The following KLF17 variants were observed in gnomAD, a reference collection of about 807,000 sequenced individuals.
The protein encoded by KLF17 is KLF transcription factor 17.
Under a neutral mutation model 34.2 loss-of-function variants are expected in KLF17, and 31 were observed. That is an observed-to-expected ratio of 0.91 (90% CI 0.68 to 1.22). KLF17 has a LOEUF of 1.22. Among genes scored for constraint, KLF17 ranks in the 50% most tolerant of loss-of-function variants. KLF17 has a pLI of 0.00. For synonymous variants in KLF17, 179 were observed against 186.7 expected (o/e 0.96, Z 0.34); for missense variants, 478 against 505.2 (o/e 0.95, Z 0.52).
chr1:44,066,104 C>A, the KLF17 span, among the ~76,000 whole-genome samples: 1 of 152,114 alleles, frequency 6.6e-6, no homozygotes, highest in African/African-American at 2.4e-5. Context: ...ATCACTTGAA[C>A]TTAGAAGTTC....
chr1:44,092,960 T>C, the KLF17 span, among the ~76,000 whole-genome samples: 1 of 152,018 alleles, frequency 6.6e-6, no homozygotes, highest in African/African-American at 2.4e-5. Flanking sequence ...AAGGAATAAA[T>C]TAAGAGTTCA....
chr1:44,100,955 G>T, the KLF17 span, among the ~76,000 whole-genome samples: 1 of 152,112 alleles, frequency 6.6e-6, no homozygotes, highest in African/African-American at 2.4e-5. Flanking sequence ...TAGTTGCAAA[G>T]AATATAATTT....
At chr1:44,102,650 A>G in the KLF17 span, among the ~76,000 whole-genome samples, 132,271 of 148,722 alleles carry the variant, frequency 0.89, 59,221 homozygotes, top group Non-Finnish European at 0.93. Flanking sequence ...GAAAGTCATA[A>G]CACGAACACC....
At chr1:44,102,485 G>A in the KLF17 span, among the ~76,000 whole-genome samples, 1 of 150,664 alleles carries the variant, frequency 6.6e-6, no homozygotes, top group Middle Eastern at 3.4e-3. Context: ...CCCAGGAGAT[G>A]GAGGTTGCAG....
At chr1:44,099,825 AG>A in the KLF17 span, among the ~76,000 whole-genome samples, 1 of 115,092 alleles carries the variant, frequency 8.7e-6, no homozygotes, top group Non-Finnish European at 1.8e-5. Context: ...AGAAAGAAAA[AG>A]AAGAAAGAAA....
chr1:44,113,018 C>T, the KLF17 span, among the ~76,000 whole-genome samples: 1 of 152,204 alleles, frequency 6.6e-6, no homozygotes, highest in Non-Finnish European at 1.5e-5. Flanking sequence ...CCAGCCCAGA[C>T]TTTGTTTCCT....
At chr1:44,061,345 G>T in the KLF17 span, 1 of 152,212 alleles carries the variant, frequency 6.6e-6, no homozygotes, top group Non-Finnish European at 1.5e-5. Flanking sequence ...GATTAAAGAG[G>T]AGTATCTAAT....
chr1:44,130,066 C>T lies in KLF17; in HGVS notation c.795C>T (p.Asn265=). ...PGPAPQTVEK[N]SRPQEGTGRR... is the part of the protein sequence containing the mutation. ...CTGCTCCACAGACAGTAGAGAAGAACTCCAGGCCTCAGGAAGGGACTGGTA... is the reference window on the plus strand; with the variant it reads ...CTGCTCCACAGACAGTAGAGAAGAATTCCAGGCCTCAGGAAGGGACTGGTA... Residue 265 remains asparagine (N), a synonymous_variant, in exon 2 of 4, where the codon AAC becomes AAT. Transcript: ENST00000372299. The T allele has an allele frequency of 1.2e-6, 2 of 1,614,236 alleles. No homozygotes were observed. The highest frequency in any genetic ancestry group is 8.5e-7 in the Non-Finnish European group (1 of 1,180,034).
chr1:44,072,886 G>A, the KLF17 span, among the ~76,000 whole-genome samples: 1 of 152,080 alleles, frequency 6.6e-6, no homozygotes, highest in Admixed American at 6.6e-5. Flanking sequence ...GGAAAACGTA[G>A]CATCCCAGAA....
At chr1:44,050,290 G>A in the KLF17 span, among the ~76,000 whole-genome samples, 16,773 of 152,160 alleles carry the variant, frequency 0.11, 1,296 homozygotes, top group African/African-American at 0.21. Flanking sequence ...GGCAGGACTT[G>A]GACTCCGGAC....
At chr1:44,125,754 C>T (rs757060202) in intron 1 of KLF17, among the ~76,000 whole-genome samples, 4 of 152,196 alleles carry the variant, frequency 2.6e-5, no homozygotes, top group Non-Finnish European at 4.4e-5. Context: ...AGGCATGAGC[C>T]ACCGCACCTG....
At chr1:44,057,041 A>C in the KLF17 span, among the ~76,000 whole-genome samples, 2 of 151,554 alleles carry the variant, frequency 1.3e-5, no homozygotes, top group Non-Finnish European at 2.9e-5. Flanking sequence ...GAACAGACCT[A>C]CTCTAGCAGG....
the KLF17 span, among the ~76,000 whole-genome samples, chr1:44,052,896 A>T: frequency 6.6e-6 from 1 of 151,336 alleles, no homozygotes; most frequent in African/African-American, 2.4e-5. Flanking sequence ...GATGTGGCCT[A>T]GGCAGGATTT....
At chr1:44,100,079 TACACACACACACACACACAC>T in the KLF17 span, among the ~76,000 whole-genome samples, 2 of 138,550 alleles carry the variant, frequency 1.4e-5, no homozygotes, top group Admixed American at 7.4e-5. Flanking sequence ...CTACTAAAAA[TACACACACACACACACACAC>T]ACACACACAC....
At chr1:44,130,819 C>G in intron 3 of KLF17, 63 bp downstream of exon 3, 2 of 1,528,224 alleles carry the variant, frequency 1.3e-6, no homozygotes, top group South Asian at 2.3e-5. Context: ...TTTTTTGAGA[C>G]GGAGTCTCAC....
At chr1:44,090,959 T>G in the KLF17 span, among the ~76,000 whole-genome samples, 1 of 123,298 alleles carries the variant, frequency 8.1e-6, no homozygotes, top group Non-Finnish European at 1.8e-5. Context: ...CACGCACGCA[T>G]GCACACACAC....
chr1:44,096,023 C>T, the KLF17 span, among the ~76,000 whole-genome samples: 44 of 151,574 alleles, frequency 2.9e-4, no homozygotes, highest in African/African-American at 1.1e-3. Context: ...CTCACTGCAA[C>T]CTCTGCCCCC....
chr1:44,073,458 G>A, the KLF17 span, among the ~76,000 whole-genome samples: 1 of 151,850 alleles, frequency 6.6e-6, no homozygotes, highest in Non-Finnish European at 1.5e-5. Context: ...CACCCACCTC[G>A]GCCTCCCAAA....
chr1:44,077,053 T>A, the KLF17 span, among the ~76,000 whole-genome samples: 75 of 146,834 alleles, frequency 5.1e-4, no homozygotes, highest in Non-Finnish European at 7.6e-4. Flanking sequence ...TCTTTTTTTT[T>A]AAAAAAAAAG....
Sources: allele counts gnomAD v4.1 joint callset (sites outside exome capture counted in the v4.1 genomes callset), GRCh38; gene constraint gnomAD v4.1.1; transcripts MANE v1.5; gene names NCBI Gene and HGNC (gene_info 2026-07-23, HGNC 2026-07-21).